The following PPFIA2 variants were observed in gnomAD, a reference collection of about 807,000 sequenced individuals.
PPFIA2 encodes the protein PPFI scaffold protein A2.
PPFIA2 carries 46 observed loss-of-function variants against 175.5 expected under a neutral mutation model. The ratio of observed to expected loss-of-function variants is 0.26; its 90% CI spans 0.21 to 0.34. The LOEUF (loss-of-function observed/expected upper bound fraction) is 0.34. Among genes scored for constraint, PPFIA2 ranks in the 10% least tolerant of loss-of-function variants. The pLI is 1.00. For synonymous variants in PPFIA2, 568 were observed against 511.4 expected (o/e 1.11, Z -1.49); for missense variants, 1,179 against 1,506.1 (o/e 0.78, Z 3.60).
At chr12:81,324,942 G>A (rs1288798632) in intron 22 of PPFIA2, among the ~76,000 whole-genome samples, 3 of 151,904 alleles carry the variant, frequency 2.0e-5, no homozygotes, top group Non-Finnish European at 4.4e-5. Context: ...AGCAAAATAT[G>A]AAGTCAATTG....
chr12:81,447,051 C>G (rs1279854831), intron 5 of PPFIA2, among the ~76,000 whole-genome samples: 1 of 152,054 alleles, frequency 6.6e-6, no homozygotes, highest in Non-Finnish European at 1.5e-5. Flanking sequence ...GTAATCCCAG[C>G]ACTTTGGGAG....
intron 28 of PPFIA2, among the ~76,000 whole-genome samples, chr12:81,275,495 T>TA (rs962437273): frequency 6.6e-5 from 10 of 151,714 alleles, no homozygotes; most frequent in Non-Finnish European, 1.5e-4. Flanking sequence ...TATAGAAACC[T>TA]AAAAAAAATC....
chr12:81,605,857 C>G (rs141088700), intron 4 of PPFIA2, among the ~76,000 whole-genome samples: 3 of 151,954 alleles, frequency 2.0e-5, no homozygotes, highest in Non-Finnish European at 4.4e-5. Flanking sequence ...TTTATTTTCT[C>G]AACTTTTATT....
intron 4 of PPFIA2, among the ~76,000 whole-genome samples, chr12:81,654,275 A>T (rs2067452174): frequency 6.6e-6 from 1 of 151,856 alleles, no homozygotes; most frequent in African/African-American, 2.4e-5. Context: ...TTTTATACTG[A>T]TTTTTTTTCT....
intron 8 of PPFIA2, among the ~76,000 whole-genome samples, chr12:81,400,863 G>C (rs140471222): frequency 6.6e-6 from 1 of 152,114 alleles, no homozygotes; most frequent in Admixed American, 6.6e-5. Context: ...CTCATTTGTT[G>C]TATGGTCATT....
At chr12:81,628,807 T>G (rs1178767839) in intron 4 of PPFIA2, among the ~76,000 whole-genome samples, 1 of 152,240 alleles carries the variant, frequency 6.6e-6, no homozygotes, top group African/African-American at 2.4e-5. Flanking sequence ...AAATATCTAT[T>G]GAGTCCTCTT....
intron 8 of PPFIA2, 118 bp downstream of exon 8, chr12:81,405,669 C>A (rs1170885495): frequency 4.9e-6 from 3 of 607,622 alleles, no homozygotes; most frequent in Admixed American, 3.5e-5. Flanking sequence ...AACCTTGAAC[C>A]TTTGACCAAA....
At chr12:81,557,994 T>A (rs1015572977) in intron 4 of PPFIA2, among the ~76,000 whole-genome samples, 1 of 152,132 alleles carries the variant, frequency 6.6e-6, no homozygotes, top group Non-Finnish European at 1.5e-5. Flanking sequence ...GAATTGGTGG[T>A]CCTGTCTCAA....
At chr12:81,492,662 G>A (rs1271139732) in intron 4 of PPFIA2, among the ~76,000 whole-genome samples, 2 of 152,018 alleles carry the variant, frequency 1.3e-5, no homozygotes, top group African/African-American at 4.8e-5. Context: ...GAGCCATGAA[G>A]AGGAGACCAC....
At chr12:81,734,756 G>A (rs7485499) in intron 3 of PPFIA2, among the ~76,000 whole-genome samples, 20,070 of 151,656 alleles carry the variant, frequency 0.13, 1,631 homozygotes, top group Middle Eastern at 0.23. Context: ...TAAATGTATA[G>A]AGGTGTGTAA....
chr12:81,488,376 T>C (rs1394777216), intron 4 of PPFIA2, among the ~76,000 whole-genome samples: 4 of 151,760 alleles, frequency 2.6e-5, no homozygotes, highest in Non-Finnish European at 5.9e-5. Context: ...GATCATATCC[T>C]ATGCCTCCCT....
At chr12:81,664,645 T>C (rs979985007) in intron 4 of PPFIA2, among the ~76,000 whole-genome samples, 1 of 152,110 alleles carries the variant, frequency 6.6e-6, no homozygotes, top group African/African-American at 2.4e-5. Context: ...CTCAGGGATC[T>C]AGAACTAGAA....
chr12:81,706,636 C>T (rs978670351), intron 3 of PPFIA2, among the ~76,000 whole-genome samples: 3 of 152,140 alleles, frequency 2.0e-5, no homozygotes, highest in Non-Finnish European at 4.4e-5. Flanking sequence ...TGTCAGTCTG[C>T]CCCTACCGGG....
At chr12:81,687,294 TCCAAA>T (rs2074558765) in intron 3 of PPFIA2, 1 of 151,994 alleles carries the variant, frequency 6.6e-6, no homozygotes, top group Non-Finnish European at 1.5e-5. Context: ...TTTACCACTT[TCCAAA>T]AAAGAAACCC....
chr12:81,737,196 T>A (rs953969819), intron 3 of PPFIA2, among the ~76,000 whole-genome samples: 2 of 151,972 alleles, frequency 1.3e-5, no homozygotes, highest in African/African-American at 4.8e-5. Flanking sequence ...ACCTGCTTTT[T>A]CCCTAGTTGT....
At chr12:81,743,527 A>C (rs1162813923) in intron 3 of PPFIA2, among the ~76,000 whole-genome samples, 2 of 151,038 alleles carry the variant, frequency 1.3e-5, no homozygotes, top group Non-Finnish European at 3.0e-5. Context: ...TTTTTTAAAA[A>C]AAAAAGAGAA....
At chr12:81,478,970 C>A (rs1010169822) in intron 4 of PPFIA2, among the ~76,000 whole-genome samples, 4 of 152,062 alleles carry the variant, frequency 2.6e-5, no homozygotes, top group African/African-American at 9.7e-5. Flanking sequence ...CCTGAATATC[C>A]TTATTAATTT....
intron 4 of PPFIA2, among the ~76,000 whole-genome samples, chr12:81,511,954 C>A (rs2061843911): frequency 6.6e-6 from 1 of 151,760 alleles, no homozygotes; most frequent in Non-Finnish European, 1.5e-5. Flanking sequence ...AGATAATAGT[C>A]TAACAACTTT....
At chr12:81,416,479 T>A (rs998254357) in intron 7 of PPFIA2, among the ~76,000 whole-genome samples, 1 of 151,544 alleles carries the variant, frequency 6.6e-6, no homozygotes, top group Admixed American at 6.6e-5. Context: ...ATAAAGAAAA[T>A]ATGGTAAAAT....
Sources: allele counts gnomAD v4.1 joint callset (sites outside exome capture counted in the v4.1 genomes callset), GRCh38; gene constraint gnomAD v4.1.1; transcripts MANE v1.5; gene names NCBI Gene and HGNC (gene_info 2026-07-23, HGNC 2026-07-21).